The following PPARGC1A variants were observed in gnomAD, a reference collection of about 807,000 sequenced individuals.
The protein encoded by PPARGC1A is PPARG coactivator 1 alpha, also known as peroxisome proliferator-activated receptor gamma coactivator 1-alpha.
A neutral mutation model predicts 88.7 loss-of-function variants in PPARGC1A; 25 were observed. That is an observed-to-expected ratio of 0.28 (90% CI 0.21 to 0.39). The LOEUF (loss-of-function observed/expected upper bound fraction) is 0.39. Among genes scored for constraint, PPARGC1A ranks in the 10% least tolerant of loss-of-function variants. The pLI is 1.00. For missense variants in PPARGC1A, 880 were observed against 968.7 expected, an observed-to-expected ratio of 0.91 and a Z score of 1.22; for synonymous variants, 363 against 355.6, an observed-to-expected ratio of 1.02 and a Z score of -0.24.
At chr4:24,202,020 G>C in the PPARGC1A span, among the ~76,000 whole-genome samples, 1 of 151,726 alleles carries the variant, frequency 6.6e-6, no homozygotes, top group Non-Finnish European at 1.5e-5. Flanking sequence ...TCCTGCCTCA[G>C]CTTCCCAAAC....
chr4:23,837,283 G>A (rs961640491), intron 2 of PPARGC1A, among the ~76,000 whole-genome samples: 1 of 151,878 alleles, frequency 6.6e-6, no homozygotes, highest in Non-Finnish European at 1.5e-5. Flanking sequence ...ATCTGTGTGA[G>A]AGGTGACTTA....
chr4:23,810,304 G>C (rs1720655795), intron 10 of PPARGC1A, among the ~76,000 whole-genome samples: 1 of 152,168 alleles, frequency 6.6e-6, no homozygotes, highest in African/African-American at 2.4e-5. Context: ...AATGTAAAAT[G>C]ATTTAATAAA....
At chr4:24,153,356 GA>G in the PPARGC1A span, among the ~76,000 whole-genome samples, 96 of 148,938 alleles carry the variant, frequency 6.4e-4, no homozygotes, top group Admixed American at 6.0e-3. Flanking sequence ...GGCATACTTT[GA>G]AAAAAAAAAT....
the PPARGC1A span, among the ~76,000 whole-genome samples, chr4:23,929,198 A>G: frequency 6.6e-6 from 1 of 152,226 alleles, no homozygotes; most frequent in South Asian, 2.1e-4. Context: ...CCCAAACTGG[A>G]TTAAATGTTA....
the PPARGC1A span, among the ~76,000 whole-genome samples, chr4:24,207,332 T>C: frequency 2.6e-5 from 4 of 152,222 alleles, no homozygotes; most frequent in African/African-American, 7.2e-5. Flanking sequence ...CTCTCTAACA[T>C]AGTCCCAATA....
the PPARGC1A span, among the ~76,000 whole-genome samples, chr4:23,981,074 T>C: frequency 2.0e-5 from 3 of 152,126 alleles, no homozygotes; most frequent in Non-Finnish European, 4.4e-5. Flanking sequence ...TCAAATGTTC[T>C]GCTTGATTTA....
At chr4:24,433,762 G>A in the PPARGC1A span, among the ~76,000 whole-genome samples, 6 of 152,012 alleles carry the variant, frequency 3.9e-5, no homozygotes, top group Non-Finnish European at 5.9e-5. Context: ...TTTTAAATAA[G>A]CTCTAACTCC....
At chr4:23,811,880 A>G (rs1720957655) in intron 10 of PPARGC1A, among the ~76,000 whole-genome samples, 1 of 142,486 alleles carries the variant, frequency 7.0e-6, no homozygotes, top group African/African-American at 2.6e-5. Context: ...CATCACGCAG[A>G]AGAAATGACT....
chr4:24,133,591 C>T, the PPARGC1A span, among the ~76,000 whole-genome samples: 1 of 152,106 alleles, frequency 6.6e-6, no homozygotes, highest in Non-Finnish European at 1.5e-5. Context: ...GAAAATACAA[C>T]CATTTGGGGA....
At chr4:24,265,245 C>A in the PPARGC1A span, among the ~76,000 whole-genome samples, 10 of 152,132 alleles carry the variant, frequency 6.6e-5, no homozygotes, top group Non-Finnish European at 1.2e-4. Context: ...TTTTTGTGCA[C>A]ACCAAGAAAG....
rs1053960723 is a variant in PPARGC1A at position 23,793,299 on chromosome 4, G to A, written c.*2523C>T. ...ACCTACAGAACAACAAGAATTAGGC[G>A]GATTAAAGATGTGTTACTGTTGTAA... On this transcript the variant is annotated 3_prime_UTR_variant, in exon 13 of 13. Coordinates refer to ENST00000264867, the MANE Select transcript of PPARGC1A (RefSeq NM_013261.5). The A allele has an allele frequency of 2.6e-5, 4 of 152,432 alleles. No individual in the cohort carries two copies. The highest frequency in any genetic ancestry group is 4.1e-4 in the South Asian group (2 of 4,824). 9.4% of individuals were successfully genotyped at this position (152,432 alleles called of 1,614,324 possible).
the PPARGC1A span, among the ~76,000 whole-genome samples, chr4:24,081,180 T>C: frequency 6.8e-4 from 103 of 152,294 alleles, no homozygotes; most frequent in East Asian, 0.018. Context: ...TTTGGTATTA[T>C]TACAACACAA....
the PPARGC1A span, among the ~76,000 whole-genome samples, chr4:24,432,884 A>T: frequency 6.6e-6 from 1 of 152,172 alleles, no homozygotes; most frequent in African/African-American, 2.4e-5. Context: ...TTCATAATGC[A>T]GCTCTGGGAA....
the PPARGC1A span, among the ~76,000 whole-genome samples, chr4:24,014,011 C>G: frequency 2.6e-5 from 4 of 152,140 alleles, no homozygotes; most frequent in African/African-American, 9.7e-5. Context: ...CAGCCACACG[C>G]CTTCTTCCTC....
chr4:24,248,952 C>CCTT, the PPARGC1A span, among the ~76,000 whole-genome samples: 2 of 152,108 alleles, frequency 1.3e-5, no homozygotes, highest in Admixed American at 1.3e-4. Context: ...GCAAACAGAG[C>CCTT]AAAGGGTCGG....
the PPARGC1A span, among the ~76,000 whole-genome samples, chr4:23,923,128 T>A: frequency 3.3e-5 from 5 of 151,758 alleles, no homozygotes; most frequent in Admixed American, 1.3e-4. Flanking sequence ...TTTTTTTTTT[T>A]TTTTTTTTAT....
chr4:23,853,572 G>A (rs554106534), intron 2 of PPARGC1A, among the ~76,000 whole-genome samples: 5 of 152,168 alleles, frequency 3.3e-5, no homozygotes, highest in African/African-American at 1.2e-4. Context: ...AATTTTCAGT[G>A]GTGATAATGA....
the PPARGC1A span, among the ~76,000 whole-genome samples, chr4:24,453,897 G>T: frequency 6.6e-6 from 1 of 152,044 alleles, no homozygotes; most frequent in Admixed American, 6.6e-5. Context: ...CAATCAAAAG[G>T]TAGTGTCTAT....
chr4:23,817,598 G>T (rs1417608758), intron 7 of PPARGC1A, among the ~76,000 whole-genome samples: 1 of 152,100 alleles, frequency 6.6e-6, no homozygotes, highest in Non-Finnish European at 1.5e-5. Context: ...AAATATAAGG[G>T]CTGGAAATTT....
Sources: gnomAD v4.1 joint callset for allele counts (sites outside exome capture counted in the v4.1 genomes callset) on GRCh38, gnomAD v4.1.1 for gene constraint, MANE v1.5 for transcripts, NCBI Gene and HGNC (gene_info 2026-07-23, HGNC 2026-07-21) for gene names.